Variants in CNTN5 observed in about 807,000 individuals in gnomAD.
CNTN5 encodes contactin 5.
Under a neutral mutation model 129.1 loss-of-function variants are expected in CNTN5, and 77 were observed. The observed-to-expected ratio is 0.60, with a 90% CI of 0.50 to 0.72. CNTN5 has a LOEUF of 0.72. Among genes scored for constraint, CNTN5 ranks in the 30% least tolerant of loss-of-function variants. The pLI, the probability that CNTN5 is intolerant of heterozygous loss-of-function variation, is 0.00. For synonymous variants in CNTN5, 509 were observed against 465.6 expected (o/e 1.09, Z -1.20); for missense variants, 1,478 against 1,328.8 (o/e 1.11, Z -1.75).
intron 2 of CNTN5, among the ~76,000 whole-genome samples, chr11:99,416,623 G>A (rs963190461): frequency 3.3e-5 from 5 of 152,002 alleles, no homozygotes; most frequent in South Asian, 2.1e-4. Flanking sequence ...ATCTGGGGCC[G>A]GTGTCATGGG....
chr11:99,578,458 G>A (rs1370981652), intron 3 of CNTN5, among the ~76,000 whole-genome samples: 1 of 148,316 alleles, frequency 6.7e-6, no homozygotes, highest in Non-Finnish European at 1.5e-5. Flanking sequence ...GTGTAAAAGT[G>A]TTCCTATTTC....
At chr11:99,995,702 TCTC>T (rs1299423325) in intron 8 of CNTN5, among the ~76,000 whole-genome samples, 2 of 152,160 alleles carry the variant, frequency 1.3e-5, no homozygotes, top group Non-Finnish European at 2.9e-5. Flanking sequence ...ACATGCACAG[TCTC>T]CTCAGAGAAG....
intron 2 of CNTN5, among the ~76,000 whole-genome samples, chr11:99,399,502 T>G (rs7122002): frequency 0.15 from 22,371 of 151,734 alleles, 2,542 homozygotes; most frequent in African/African-American, 0.32. Context: ...TGTAGAAATA[T>G]TCTTTATGAC....
chr11:99,781,859 C>T (rs192498608), intron 3 of CNTN5, among the ~76,000 whole-genome samples: 270 of 152,250 alleles, frequency 1.8e-3, no homozygotes, highest in Admixed American at 4.8e-3. Context: ...GACAAACGCA[C>T]AGCCAATATC....
chr11:99,735,324 T>C (rs1943669962), intron 3 of CNTN5, among the ~76,000 whole-genome samples: 1 of 152,204 alleles, frequency 6.6e-6, no homozygotes, highest in Non-Finnish European at 1.5e-5. Context: ...TCCTCTACTT[T>C]GATATTTTCT....
chr11:100,020,525 T>C (rs1322206898), intron 9 of CNTN5, among the ~76,000 whole-genome samples: 1 of 152,128 alleles, frequency 6.6e-6, no homozygotes, highest in Non-Finnish European at 1.5e-5. Flanking sequence ...CTGTTTTGAT[T>C]GTTATAACTT....
intron 3 of CNTN5, among the ~76,000 whole-genome samples, chr11:99,762,613 C>G (rs1270007890): frequency 2.0e-5 from 3 of 151,946 alleles, no homozygotes; most frequent in Non-Finnish European, 4.4e-5. Flanking sequence ...CTGTTCTGTT[C>G]CATTGATCAA....
intron 1 of CNTN5, among the ~76,000 whole-genome samples, chr11:99,147,594 G>A (rs1259577911): frequency 6.6e-6 from 1 of 152,146 alleles, no homozygotes; most frequent in East Asian, 1.9e-4. Context: ...ATATGTTTTT[G>A]AGAGAGCAGC....
intron 3 of CNTN5, among the ~76,000 whole-genome samples, chr11:99,740,369 G>A (rs1284621513): frequency 6.6e-6 from 1 of 152,092 alleles, no homozygotes; most frequent in Non-Finnish European, 1.5e-5. Flanking sequence ...TGGGTGCATG[G>A]TAAATAAAAG....
At chr11:100,109,902 T>C (rs1945587506) in intron 13 of CNTN5, among the ~76,000 whole-genome samples, 1 of 152,030 alleles carries the variant, frequency 6.6e-6, no homozygotes, top group Non-Finnish European at 1.5e-5. Flanking sequence ...AACATAGCCA[T>C]GTGTGGTGGC....
chr11:99,744,062 T>A lies in CNTN5; in HGVS notation c.56-75482T>A, dbSNP rs1294451390. Among the ~76,000 whole-genome samples the A allele has an allele frequency of 2.0e-5, 3 of 152,224 alleles. No homozygotes were observed. In the East Asian group the frequency reaches 5.8e-4, roughly 29 times the overall value. ...AAAAAGAAAAATTTACATGTTGCCATATTGGAAATGGGGGAGGGGGAAGAC... is the reference window on the plus strand; with the variant it reads ...AAAAAGAAAAATTTACATGTTGCCAAATTGGAAATGGGGGAGGGGGAAGAC... On this transcript the variant is annotated intron_variant, in intron 3 of 24. Transcript: ENST00000524871.
At chr11:99,657,629 A>G (rs1952426846) in intron 3 of CNTN5, among the ~76,000 whole-genome samples, 1 of 152,130 alleles carries the variant, frequency 6.6e-6, no homozygotes, top group South Asian at 2.1e-4. Context: ...TAAAAACCTG[A>G]GTCTTTTAAA....
intron 3 of CNTN5, among the ~76,000 whole-genome samples, chr11:99,672,855 C>G (rs1953107083): frequency 6.6e-6 from 1 of 151,740 alleles, no homozygotes; most frequent in South Asian, 2.1e-4. Flanking sequence ...ACAGAAAGGG[C>G]AGGTGGAAAG....
intron 3 of CNTN5, among the ~76,000 whole-genome samples, chr11:99,724,476 G>T (rs2135050038): frequency 6.6e-6 from 1 of 152,238 alleles, no homozygotes; most frequent in East Asian, 1.9e-4. Flanking sequence ...GTCTTGGAGT[G>T]CTCAATGCCA....
At chr11:99,064,875 A>C (rs2135226270) in intron 1 of CNTN5, among the ~76,000 whole-genome samples, 1 of 152,112 alleles carries the variant, frequency 6.6e-6, no homozygotes, top group East Asian at 1.9e-4. Context: ...CAATTTTGGG[A>C]AGTCTCATAT....
intron 3 of CNTN5, among the ~76,000 whole-genome samples, chr11:99,733,088 G>T (rs1415690894): frequency 6.6e-6 from 1 of 152,080 alleles, no homozygotes; most frequent in Non-Finnish European, 1.5e-5. Flanking sequence ...CATTTTGGGA[G>T]GCCGAGGTGC....
At position 99,391,563 on chromosome 11, in the gene CNTN5, C is replaced by T. The variant is rs559589550; in HGVS notation, c.-71+66079C>T. Among the ~76,000 whole-genome samples the T allele has an allele frequency of 2.6e-5, 4 of 152,120 alleles. No homozygotes were observed. The South Asian group carries it at 8.3e-4, about 32-fold the overall frequency. ...TGTTTGGTTTACAATATTCTTTTAC[C>T]TATAGTATTGAAGTTGATGCTCAGA... is the stretch of plus-strand genomic sequence containing the variant. On this transcript the variant is annotated intron_variant, in intron 2 of 24. Transcript: ENST00000524871.
intron 1 of CNTN5, among the ~76,000 whole-genome samples, chr11:99,024,360 G>A (rs766774889): frequency 3.8e-4 from 57 of 151,996 alleles, no homozygotes; most frequent in Non-Finnish European, 6.9e-4. Flanking sequence ...ACAAAATATA[G>A]TGTTTTAATA....
chr11:99,882,364 C>G (rs1297446685), intron 6 of CNTN5, among the ~76,000 whole-genome samples: 2 of 151,984 alleles, frequency 1.3e-5, no homozygotes, highest in African/African-American at 2.4e-5. Context: ...TATGCACCCA[C>G]CCCTCCAAAG....
Sources: allele counts gnomAD v4.1 joint callset (sites outside exome capture counted in the v4.1 genomes callset), GRCh38; gene constraint gnomAD v4.1.1; transcripts MANE v1.5; gene names NCBI Gene and HGNC (gene_info 2026-07-23, HGNC 2026-07-21).